The following ABAT variants were observed in gnomAD, a reference collection of about 807,000 sequenced individuals.
ABAT encodes 4-aminobutyrate aminotransferase.
A neutral mutation model predicts 64.6 loss-of-function variants in ABAT; 45 were observed. The observed-to-expected ratio is 0.70, with a 90% CI of 0.55 to 0.89. The LOEUF (loss-of-function observed/expected upper bound fraction) is 0.89, where lower values mean the gene tolerates loss of function less well. Among genes scored for constraint, ABAT ranks in the 40% least tolerant of loss-of-function variants. The pLI, the probability that ABAT is intolerant of heterozygous loss-of-function variation, is 0.00. For synonymous variants in ABAT, 297 were observed against 250.5 expected, an observed-to-expected ratio of 1.19 and a Z score of -1.75; for missense variants, 633 against 658.4, an observed-to-expected ratio of 0.96 and a Z score of 0.42.
intron 1 of ABAT, among the ~76,000 whole-genome samples, chr16:8,733,551 T>A (rs1301198960): frequency 6.6e-6 from 1 of 151,890 alleles, no homozygotes; most frequent in East Asian, 1.9e-4. Context: ...CATTGAGCAC[T>A]GAGTGAACGA....
chr16:8,754,479 T>G (rs2059585455), intron 5 of ABAT, among the ~76,000 whole-genome samples: 1 of 152,192 alleles, frequency 6.6e-6, no homozygotes, highest in Non-Finnish European at 1.5e-5. Context: ...TCCATGCTAC[T>G]GCAGCGATTG....
chr16:8,703,351 G>A (rs999560059), intron 1 of ABAT, among the ~76,000 whole-genome samples: 19 of 152,082 alleles, frequency 1.2e-4, no homozygotes, highest in African/African-American at 4.3e-4. Context: ...AGCTACTCGG[G>A]AGGCTGAGGC....
At chr16:8,679,416 T>G (rs1006750467) in intron 1 of ABAT, among the ~76,000 whole-genome samples, 1 of 151,940 alleles carries the variant, frequency 6.6e-6, no homozygotes, top group African/African-American at 2.4e-5. Flanking sequence ...TGACCTCACC[T>G]GAATCAGGCT....
chr16:8,738,652 G>A, intron 2 of ABAT, among the ~76,000 whole-genome samples: 1 of 131,696 alleles, frequency 7.6e-6, no homozygotes, highest in African/African-American at 3.1e-5. Flanking sequence ...GTGTGTGTAT[G>A]TGTGTCTGAG....
chr16:8,779,442 T>C (rs993417508), intron 14 of ABAT, 37 bp from the exon 15 acceptor site: 1 of 1,570,196 alleles, frequency 6.4e-7, no homozygotes, highest in African/African-American at 1.4e-5. Context: ...ACACAGGTGA[T>C]GGGCTTTGAC....
intron 5 of ABAT, among the ~76,000 whole-genome samples, chr16:8,751,343 C>A (rs528148715): frequency 2.1e-4 from 32 of 152,240 alleles, no homozygotes; most frequent in Non-Finnish European, 3.2e-4. Flanking sequence ...CCACCTTGGC[C>A]TCCCAAAGTG....
intron 1 of ABAT, among the ~76,000 whole-genome samples, chr16:8,721,173 T>G (rs773250802): frequency 1.4e-4 from 21 of 152,020 alleles, no homozygotes; most frequent in Non-Finnish European, 2.4e-4. Context: ...ATGTCTAGTC[T>G]GGGGGTAAGA....
In ABAT at chr16:8,781,808, G is replaced by T; in HGVS notation, c.*378G>T. Reference sequence around the variant, plus strand: ...CCTGGGACTGGCAGCTGGGCCTCCTGGGTGCCAGTCCATCTCAAGTGCCAT... The same window carrying T: ...CCTGGGACTGGCAGCTGGGCCTCCTTGGTGCCAGTCCATCTCAAGTGCCAT... On this transcript the variant is annotated 3_prime_UTR_variant, in exon 16 of 16. Transcript: ENST00000268251. This position sits in a 1 kb window ranked among gnomAD's most constrained non-coding sequence, Gnocchi z 4.5. 2 of 361,982 alleles carry T rather than the reference G, an allele frequency of 5.5e-6. No homozygotes were observed. The highest frequency in any genetic ancestry group is 5.4e-6 in the Non-Finnish European group (1 of 186,506). 22.4% of individuals were successfully genotyped at this position (361,982 alleles called of 1,614,324 possible).
chr16:8,695,095 T>C lies in ABAT; in HGVS notation c.-42+20384T>C, dbSNP rs75440620. On this transcript the variant is annotated intron_variant, in intron 1 of 15. Coordinates refer to ENST00000268251, the MANE Select transcript of ABAT (RefSeq NM_020686.6). ...AGGGCATTTGACCTTGTCTGATCAG[T>C]GACTGTCCCTATGAGCTCAGTTCTT... Among the ~76,000 whole-genome samples the C allele has an allele frequency of 8.5e-5, 13 of 152,342 alleles. No individual in the cohort carries two copies. In the East Asian group the frequency reaches 2.5e-3, roughly 29 times the overall value.
At chr16:8,735,354 C>T (rs937989220) in intron 1 of ABAT, among the ~76,000 whole-genome samples, 3 of 151,850 alleles carry the variant, frequency 2.0e-5, no homozygotes, top group South Asian at 2.1e-4. Context: ...TGGGCTCAAG[C>T]GATCCTACCA....
intron 4 of ABAT, among the ~76,000 whole-genome samples, chr16:8,749,355 T>TA: frequency 6.8e-6 from 1 of 146,830 alleles, no homozygotes; most frequent in South Asian, 2.2e-4. Context: ...CCCAAAGTGC[T>TA]GGATTACAGG....
At chr16:8,761,438 A>C (rs13335619) in intron 6 of ABAT, among the ~76,000 whole-genome samples, 1 of 151,888 alleles carries the variant, frequency 6.6e-6, no homozygotes, top group Non-Finnish European at 1.5e-5. Context: ...GCTGCCTCCC[A>C]CTTTCTTCTT....
Position 8,776,142 on chromosome 16 carries a change from G to GC in ABAT, c.1123-201dup, listed in dbSNP as rs971319186. ...GCAGGGCTGCTGTTGGAAGAATTCA[G>GC]CAAGATTGGGTGTGTTCTCCTGCTA... On this transcript the variant is annotated intron_variant, in intron 13 of 15. Transcript: ENST00000268251. This position sits in a 1 kb window ranked among gnomAD's most constrained non-coding sequence, Gnocchi z 4.4. 3.0e-4 allele frequency among the ~76,000 whole-genome samples: 46 copies of GC among 152,310 alleles called. 1 individual carries two copies. Among genetic ancestry groups the GC allele is most frequent in the African/African-American group, 1.1e-3 (45 of 41,572 alleles).
chr16:8,768,327 C>A, intron 10 of ABAT, 71 bp downstream of exon 10: 1 of 1,485,972 alleles, frequency 6.7e-7, no homozygotes, highest in Non-Finnish European at 9.4e-7. Flanking sequence ...ATAGCGGCGG[C>A]TGACATTAGC....
In ABAT at chr16:8,766,241, G is replaced by C; in HGVS notation, c.574G>C (p.Glu192Gln). The change falls in exon 9 of 16, where the codon GAG becomes CAG. Residue 192 changes from glutamate (E) to glutamine (Q), a missense_variant. Transcript: ENST00000268251. ...AAGAGGGCAGAGGGGCTTCTCCCAG[G>C]AGGAGCTGGAGACGTGCATGATTAA... is the stretch of plus-strand genomic sequence containing the variant. ...KERGQRGFSQ[E>Q]ELETCMINQA... 6.2e-7 allele frequency: 1 copy of C among 1,614,140 alleles called. No homozygotes were observed. The highest frequency in any genetic ancestry group is 8.5e-7 in the Non-Finnish European group (1 of 1,179,994).
chr16:8,695,173 G>A (rs1267766583), intron 1 of ABAT, among the ~76,000 whole-genome samples: 1 of 152,172 alleles, frequency 6.6e-6, no homozygotes, highest in Non-Finnish European at 1.5e-5. Context: ...GACGTCCTTT[G>A]CAAGTAAGAG....
chr16:8,722,947 A>T, intron 1 of ABAT: 1 of 1,098,044 alleles, frequency 9.1e-7, no homozygotes, highest in South Asian at 1.3e-5. Flanking sequence ...CCTTAGAAAC[A>T]ATGTGATCCA....
At chr16:8,735,913 GT>G in intron 2 of ABAT, 104 bp downstream of exon 2, 1 of 1,005,346 alleles carries the variant, frequency 9.9e-7, no homozygotes, top group South Asian at 1.4e-5. Flanking sequence ...GGACCAGCCA[GT>G]GAGTGTTTCT....
intron 1 of ABAT, among the ~76,000 whole-genome samples, chr16:8,694,296 T>A (rs1272258433): frequency 6.6e-6 from 1 of 152,042 alleles, no homozygotes; most frequent in Non-Finnish European, 1.5e-5. Flanking sequence ...GTGCTAGGAT[T>A]ACAGGCGTGA....
Sources: allele counts gnomAD v4.1 joint callset (sites outside exome capture counted in the v4.1 genomes callset), GRCh38; gene constraint gnomAD v4.1.1; non-coding constraint Gnocchi (gnomAD v3.1); transcripts MANE v1.5; gene names NCBI Gene and HGNC (gene_info 2026-07-23, HGNC 2026-07-21).